The following CAB39L variants were observed in gnomAD, a reference collection of about 807,000 sequenced individuals.
CAB39L encodes calcium binding protein 39 like.
A neutral mutation model predicts 39.1 loss-of-function variants in CAB39L; 23 were observed. The observed-to-expected ratio is 0.59, with a 90% CI of 0.42 to 0.83. The LOEUF (loss-of-function observed/expected upper bound fraction) is 0.83. CAB39L is among the 40% of genes least tolerant of loss of function. The pLI, the probability that CAB39L is intolerant of heterozygous loss-of-function variation, is 0.00. For missense variants in CAB39L, 366 were observed against 391.9 expected, an observed-to-expected ratio of 0.93 and a Z score of 0.56; for synonymous variants, 126 against 137.2, an observed-to-expected ratio of 0.92 and a Z score of 0.57.
At chr13:49,392,492 T>A (rs983322190) in intron 3 of CAB39L, among the ~76,000 whole-genome samples, 1 of 151,586 alleles carries the variant, frequency 6.6e-6, no homozygotes, top group Admixed American at 6.6e-5. Context: ...CAAAAAAAAA[T>A]TAGCTGGGCA....
chr13:49,317,801 G>A (rs1426744109), intron 10 of CAB39L, among the ~76,000 whole-genome samples: 1 of 151,896 alleles, frequency 6.6e-6, no homozygotes, highest in African/African-American at 2.4e-5. Flanking sequence ...GTATATCAAA[G>A]GATACTATCA....
chr13:49,311,404 G>A (rs1292629029), intron 10 of CAB39L, among the ~76,000 whole-genome samples: 1 of 152,154 alleles, frequency 6.6e-6, no homozygotes, highest in Non-Finnish European at 1.5e-5. Context: ...CGATGGTACT[G>A]GTTTACGTAT....
chr13:49,382,107 T>A (rs948381492), intron 4 of CAB39L, among the ~76,000 whole-genome samples: 7 of 152,208 alleles, frequency 4.6e-5, no homozygotes, highest in African/African-American at 1.7e-4. Context: ...TAGTTACTAA[T>A]GAAAATGTGT....
At chr13:49,416,620 A>G (rs949441663) in intron 3 of CAB39L, among the ~76,000 whole-genome samples, 2 of 152,112 alleles carry the variant, frequency 1.3e-5, no homozygotes, top group African/African-American at 4.8e-5. Flanking sequence ...GGAGCCTCCT[A>G]CCTGACTTCA....
Position 49,375,845 on chromosome 13 carries a change from A to T in CAB39L, c.276+1122T>A, listed in dbSNP as rs1025990304. On this transcript the variant is annotated intron_variant, in intron 5 of 10. Coordinates refer to ENST00000409308, the MANE Select transcript of CAB39L (RefSeq NM_001079670.3). ...AAAAGATTATGGGTCAGAAAATGCC[A>T]AAGGCAGAGAAAGAGATAGAATAAG... Among the ~76,000 whole-genome samples the T allele has an allele frequency of 2.2e-4, 34 of 152,044 alleles. 1 individual carries two copies. Among genetic ancestry groups the T allele is most frequent in the Non-Finnish European group, 4.4e-5 (3 of 68,032 alleles).
At position 49,435,063 on chromosome 13, in the gene CAB39L, C is replaced by T. The variant is rs558316885; in HGVS notation, c.-245-840G>A. Among the ~76,000 whole-genome samples, 9 of 152,332 alleles carry T rather than the reference C, an allele frequency of 5.9e-5. No individual in the cohort carries two copies. In the South Asian group the frequency reaches 1.7e-3, roughly 28 times the overall value. ...ACCTTTACCCTGCTCCTTCCTTCTGCGGATACATTGCATACTTTTCCATGC... is the reference window on the plus strand; with the variant it reads ...ACCTTTACCCTGCTCCTTCCTTCTGTGGATACATTGCATACTTTTCCATGC... On this transcript the variant is annotated intron_variant, in intron 1 of 10. Coordinates refer to ENST00000409308, the MANE Select transcript of CAB39L (RefSeq NM_001079670.3).
intron 6 of CAB39L, among the ~76,000 whole-genome samples, chr13:49,358,044 G>A (rs1955533013): frequency 6.6e-6 from 1 of 152,220 alleles, no homozygotes; most frequent in African/African-American, 2.4e-5. Flanking sequence ...GAAGATGACA[G>A]AACCCCCTGA....
chr13:49,340,637 A>G (rs1216972752), intron 8 of CAB39L, among the ~76,000 whole-genome samples: 3 of 152,230 alleles, frequency 2.0e-5, no homozygotes, highest in Non-Finnish European at 4.4e-5. Context: ...CTATCCTGAA[A>G]CACAAGGAGA....
intron 5 of CAB39L, among the ~76,000 whole-genome samples, chr13:49,372,776 T>C (rs1402251757): frequency 1.3e-5 from 2 of 152,084 alleles, no homozygotes; most frequent in Non-Finnish European, 2.9e-5. Flanking sequence ...GTTCACGCCA[T>C]TCTCCTGCCT....
chr13:49,398,998 T>C (rs1419793048), intron 3 of CAB39L, among the ~76,000 whole-genome samples: 2 of 152,096 alleles, frequency 1.3e-5, no homozygotes, highest in African/African-American at 2.4e-5. Flanking sequence ...ACCTATTCTA[T>C]CTTACTTTTG....
intron 10 of CAB39L, among the ~76,000 whole-genome samples, chr13:49,330,977 G>A (rs1207533249): frequency 6.6e-6 from 1 of 152,128 alleles, no homozygotes; most frequent in Non-Finnish European, 1.5e-5. Flanking sequence ...TAGCAATAAT[G>A]AAAATGGTTA....
In CAB39L at chr13:49,385,781, G is replaced by A. The variant is rs555871824; in HGVS notation, c.-31-2840C>T. Among the ~76,000 whole-genome samples the A allele has an allele frequency of 2.0e-5, 3 of 152,264 alleles. No homozygotes were observed. The South Asian group carries it at 6.2e-4, about 32-fold the overall frequency. On this transcript the variant is annotated intron_variant, in intron 3 of 10. Transcript: ENST00000409308. ...ACTCAGAACACATGCAACATTTATC[G>A]ATTATGGGCACAGTCTGTGGTGTCC...
intron 3 of CAB39L, among the ~76,000 whole-genome samples, chr13:49,388,379 A>C (rs1305622489): frequency 6.6e-6 from 1 of 152,218 alleles, no homozygotes; most frequent in Non-Finnish European, 1.5e-5. Flanking sequence ...TTTTAAAATA[A>C]ACATTTCCTT....
At chr13:49,385,465 C>A (rs1482685074) in intron 3 of CAB39L, among the ~76,000 whole-genome samples, 1 of 152,200 alleles carries the variant, frequency 6.6e-6, no homozygotes, top group Admixed American at 6.5e-5. Context: ...ACTGGAGTAG[C>A]ACTTTTCATT....
chr13:49,329,246 C>G (rs1384945975), intron 10 of CAB39L, among the ~76,000 whole-genome samples: 4 of 152,116 alleles, frequency 2.6e-5, no homozygotes, highest in Non-Finnish European at 2.9e-5. Flanking sequence ...TTACTTCCTT[C>G]TTCAAAATTG....
chr13:49,321,810 T>C (rs939446220), intron 10 of CAB39L, among the ~76,000 whole-genome samples: 5 of 152,202 alleles, frequency 3.3e-5, no homozygotes, highest in African/African-American at 1.2e-4. Context: ...TTCAGCATTT[T>C]AATGTTGCCT....
chr13:49,395,472 T>C (rs1956592986), intron 3 of CAB39L, among the ~76,000 whole-genome samples: 1 of 152,182 alleles, frequency 6.6e-6, no homozygotes, highest in Non-Finnish European at 1.5e-5. Context: ...GACCTTGTGA[T>C]CTGCCTGCCT....
At chr13:49,311,708 A>C (rs1382719952) in intron 10 of CAB39L, among the ~76,000 whole-genome samples, 1 of 152,220 alleles carries the variant, frequency 6.6e-6, no homozygotes. Context: ...GTAAAAAATA[A>C]AAAACTTTAA....
At chr13:49,380,628 CA>C (rs1956234312) in intron 4 of CAB39L, among the ~76,000 whole-genome samples, 1 of 152,120 alleles carries the variant, frequency 6.6e-6, no homozygotes. Flanking sequence ...ATGAATTGTA[CA>C]CTTTAAATAG....
Sources: allele counts gnomAD v4.1 joint callset (sites outside exome capture counted in the v4.1 genomes callset), GRCh38; gene constraint gnomAD v4.1.1; transcripts MANE v1.5; gene names NCBI Gene and HGNC (gene_info 2026-07-23, HGNC 2026-07-21).